Variants in FOCAD observed in about 807,000 individuals in gnomAD.
The protein encoded by FOCAD is KIAA1797.
A neutral mutation model predicts 225.6 loss-of-function variants in FOCAD; 198 were observed. The ratio of observed to expected loss-of-function variants is 0.88; its 90% CI spans 0.78 to 0.99. FOCAD has a LOEUF of 0.99. Ranked by LOEUF, FOCAD falls within the 50% of genes least tolerant of loss-of-function variation. The pLI, the probability that FOCAD is intolerant of heterozygous loss-of-function variation, is 0.00. For missense variants in FOCAD, 2,713 were observed against 2,123.6 expected (o/e 1.28, Z -5.46); for synonymous variants, 897 against 755.0 (o/e 1.19, Z -3.08).
At chr9:20,954,959 A>C (rs1470290196) in intron 35 of FOCAD, among the ~76,000 whole-genome samples, 1 of 152,218 alleles carries the variant, frequency 6.6e-6, no homozygotes, top group African/African-American at 2.4e-5. Flanking sequence ...GGAGGTGTGC[A>C]TGCAAACGAG....
At chr9:20,866,011 A>G in intron 17 of FOCAD, 35 bp downstream of exon 17, 1 of 1,532,460 alleles carries the variant, frequency 6.5e-7, no homozygotes, top group Non-Finnish European at 8.9e-7. Flanking sequence ...AATCAGAACA[A>G]AGCTAAGGAA....
intron 11 of FOCAD, among the ~76,000 whole-genome samples, chr9:20,798,172 C>G (rs1430054315): frequency 1.3e-5 from 2 of 152,152 alleles, no homozygotes; most frequent in Non-Finnish European, 2.9e-5. Flanking sequence ...TATGTTGAAC[C>G]AGCCTTGCAT....
intron 27 of FOCAD, among the ~76,000 whole-genome samples, chr9:20,929,854 A>G (rs1339245534): frequency 6.6e-6 from 1 of 152,182 alleles, no homozygotes; most frequent in Non-Finnish European, 1.5e-5. Context: ...TCATGCTTAG[A>G]TGAAAGCCCC....
Position 20,778,666 on chromosome 9 carries a change from C to T in FOCAD, c.907-15C>T, listed in dbSNP as rs771442245. ...ACTTCTTTAACAACTCCTTTTTCCC[C>T]CTCTATTCTTTTAGGATTTTCCTGT... On this transcript the variant is annotated splice_polypyrimidine_tract_variant and intron_variant, in intron 8 of 43. Coordinates refer to ENST00000338382, the MANE Select transcript of FOCAD (RefSeq NM_001375567.1). 6.7e-7 allele frequency: 1 copy of T among 1,490,320 alleles called. No homozygotes were observed. The highest frequency in any genetic ancestry group is 1.1e-5 in the South Asian group (1 of 87,732). The allele number at this position is 1,490,320 out of a possible 1,614,324, so 92.3% of individuals were successfully genotyped here.
intron 5 of FOCAD, among the ~76,000 whole-genome samples, chr9:20,749,793 A>G (rs889234250): frequency 1.3e-5 from 2 of 152,198 alleles, no homozygotes; most frequent in African/African-American, 4.8e-5. Context: ...AAGAAGGTTG[A>G]GGTGACCTAA....
chr9:20,735,190 T>G (rs1827045456), intron 4 of FOCAD, among the ~76,000 whole-genome samples: 1 of 152,224 alleles, frequency 6.6e-6, no homozygotes, highest in African/African-American at 2.4e-5. Flanking sequence ...TTTCTTGTTT[T>G]GTGGGCATGT....
chr9:20,928,033 A>T (rs1835123058), intron 26 of FOCAD: 1 of 151,888 alleles, frequency 6.6e-6, no homozygotes. Context: ...CTCTATGATG[A>T]TTTACTTTCT....
At chr9:20,883,183 G>T (rs1307280372) in intron 20 of FOCAD, among the ~76,000 whole-genome samples, 1 of 152,156 alleles carries the variant, frequency 6.6e-6, no homozygotes, top group Non-Finnish European at 1.5e-5. Context: ...GATTCCTGGA[G>T]ATAAAGAAGT....
intron 11 of FOCAD, among the ~76,000 whole-genome samples, chr9:20,809,599 C>T (rs1822831616): frequency 6.6e-6 from 1 of 152,132 alleles, no homozygotes; most frequent in Admixed American, 6.6e-5. Context: ...CAAAGACTAT[C>T]TTAAAATGTT....
intron 23 of FOCAD, among the ~76,000 whole-genome samples, chr9:20,913,873 T>C (rs1314783896): frequency 1.3e-5 from 2 of 152,158 alleles, no homozygotes; most frequent in Non-Finnish European, 2.9e-5. Context: ...CTAAGTTCTT[T>C]AAAATATATA....
At chr9:20,828,927 G>A (rs150908809) in intron 15 of FOCAD, among the ~76,000 whole-genome samples, 1,875 of 152,176 alleles carry the variant, frequency 0.012, 25 homozygotes, top group Non-Finnish European at 0.017. Flanking sequence ...CGAGGATAAT[G>A]ACTTCCAGCT....
intron 1 of FOCAD, among the ~76,000 whole-genome samples, chr9:20,712,099 T>G (rs1247412930): frequency 6.6e-6 from 1 of 152,090 alleles, no homozygotes; most frequent in Non-Finnish European, 1.5e-5. Flanking sequence ...TGCAACATTA[T>G]TTATATCTCC....
At chr9:20,791,957 C>T (rs575379325) in intron 11 of FOCAD, among the ~76,000 whole-genome samples, 5 of 152,194 alleles carry the variant, frequency 3.3e-5, no homozygotes, top group African/African-American at 9.6e-5. Flanking sequence ...GTAGGTGTGC[C>T]GAGATATTAT....
intron 28 of FOCAD, among the ~76,000 whole-genome samples, chr9:20,934,325 T>C (rs527657990): frequency 6.6e-6 from 1 of 152,314 alleles, no homozygotes; most frequent in South Asian, 2.1e-4. Context: ...ATTTTTAGAA[T>C]TTTTATAGTT....
intron 21 of FOCAD, among the ~76,000 whole-genome samples, chr9:20,892,521 T>A (rs565085267): frequency 5.9e-4 from 90 of 152,148 alleles, no homozygotes; most frequent in African/African-American, 2.0e-3. Flanking sequence ...GTGGAGGAAG[T>A]CACTGCAGAT....
At chr9:20,922,936 T>G (rs534310263) in intron 24 of FOCAD, among the ~76,000 whole-genome samples, 1 of 146,200 alleles carries the variant, frequency 6.8e-6, no homozygotes, top group South Asian at 2.2e-4. Flanking sequence ...AAGGTTCAGG[T>G]TTTTACGTTA....
chr9:20,817,277 G>A (rs1823824359), intron 11 of FOCAD, among the ~76,000 whole-genome samples: 1 of 151,998 alleles, frequency 6.6e-6, no homozygotes, highest in Non-Finnish European at 1.5e-5. Context: ...TATTTACAGA[G>A]TTTTGTAAAC....
At chr9:20,851,662 C>T (rs1425031382) in intron 15 of FOCAD, among the ~76,000 whole-genome samples, 2 of 151,868 alleles carry the variant, frequency 1.3e-5, no homozygotes, top group African/African-American at 2.4e-5. Context: ...TACTCTAGAC[C>T]TACTGAGTTA....
chr9:20,920,845 G>A (rs1386061121), intron 24 of FOCAD, among the ~76,000 whole-genome samples: 2 of 151,078 alleles, frequency 1.3e-5, no homozygotes, highest in Non-Finnish European at 3.0e-5. Flanking sequence ...GATAGCATTA[G>A]GAGATATACC....
Sources: gnomAD v4.1 joint callset for allele counts (sites outside exome capture counted in the v4.1 genomes callset) on GRCh38, gnomAD v4.1.1 for gene constraint, MANE v1.5 for transcripts, NCBI Gene and HGNC (gene_info 2026-07-23, HGNC 2026-07-21) for gene names.